Variants in DMXL2 observed in about 807,000 individuals in gnomAD.
DMXL2 encodes dmX-like protein 2.
Under a neutral mutation model 331.1 loss-of-function variants are expected in DMXL2, and 103 were observed. The observed-to-expected ratio is 0.31, with a 90% confidence interval of 0.27 to 0.37. The LOEUF (loss-of-function observed/expected upper bound fraction) is 0.37. Ranked by LOEUF, DMXL2 falls within the 10% of genes least tolerant of loss-of-function variation. The pLI is 1.00. For missense variants in DMXL2, 3,171 were observed against 3,642.9 expected, an observed-to-expected ratio of 0.87 and a Z score of 3.33; for synonymous variants, 1,281 against 1,252.1, an observed-to-expected ratio of 1.02 and a Z score of -0.49.
intron 29 of DMXL2, 28 bp from the exon 30 acceptor site, chr15:51,466,339 TA>T (rs752660723): frequency 3.8e-6 from 4 of 1,057,504 alleles, no homozygotes; most frequent in Non-Finnish European, 5.1e-6. Flanking sequence ...ATTATTTTTT[TA>T]AAGATTATAA....
At chr15:51,621,933 C>T (rs772270836) in intron 1 of DMXL2, among the ~76,000 whole-genome samples, 1 of 152,174 alleles carries the variant, frequency 6.6e-6, no homozygotes, top group Non-Finnish European at 1.5e-5. Context: ...TCAGGAGATA[C>T]AGAGTCAGGC....
At chr15:51,473,729 T>C (rs1244419485) in intron 28 of DMXL2, among the ~76,000 whole-genome samples, 2 of 152,154 alleles carry the variant, frequency 1.3e-5, no homozygotes, top group African/African-American at 2.4e-5. Flanking sequence ...CACCATATCA[T>C]ACCATTTTCA....
intron 23 of DMXL2, among the ~76,000 whole-genome samples, chr15:51,484,710 C>A (rs2042260410): frequency 6.6e-6 from 1 of 151,990 alleles, no homozygotes; most frequent in Non-Finnish European, 1.5e-5. Context: ...TACTAATTCT[C>A]CAGTAACAGA....
chr15:51,596,912 G>C (rs1227758372), intron 1 of DMXL2, among the ~76,000 whole-genome samples: 1 of 152,104 alleles, frequency 6.6e-6, no homozygotes, highest in Non-Finnish European at 1.5e-5. Context: ...CACACACCGG[G>C]GCCTGTTGTG....
chr15:51,520,134 GCA>G (rs2047273537), intron 13 of DMXL2, among the ~76,000 whole-genome samples: 1 of 152,136 alleles, frequency 6.6e-6, no homozygotes, highest in African/African-American at 2.4e-5. Flanking sequence ...AGTTTACTAT[GCA>G]CATTCTTCTA....
chr15:51,594,843 G>A (rs571855918), intron 1 of DMXL2, among the ~76,000 whole-genome samples: 1 of 152,266 alleles, frequency 6.6e-6, no homozygotes, highest in African/African-American at 2.4e-5. Context: ...ACGCAGAAAA[G>A]GCCTTTGACA....
At chr15:51,533,421 G>A (rs918051371) in intron 13 of DMXL2, among the ~76,000 whole-genome samples, 1 of 152,160 alleles carries the variant, frequency 6.6e-6, no homozygotes, top group African/African-American at 2.4e-5. Context: ...ACAAAACACT[G>A]AGTATAATGG....
intron 20 of DMXL2, among the ~76,000 whole-genome samples, chr15:51,489,080 A>G (rs1317853721): frequency 6.6e-6 from 1 of 152,244 alleles, no homozygotes; most frequent in Non-Finnish European, 1.5e-5. Flanking sequence ...CATAGAAAGC[A>G]ATAAAGAAGG....
intron 20 of DMXL2, among the ~76,000 whole-genome samples, chr15:51,490,879 G>A (rs574546876): frequency 1.2e-4 from 18 of 152,284 alleles, no homozygotes; most frequent in South Asian, 4.1e-4. Flanking sequence ...TGCAAAGAAC[G>A]TTTGCTACTT....
chr15:51,621,548 T>C (rs2054625655), intron 1 of DMXL2, among the ~76,000 whole-genome samples: 1 of 152,250 alleles, frequency 6.6e-6, no homozygotes, highest in South Asian at 2.1e-4. Flanking sequence ...ACTCAATTTA[T>C]GGGAGTCTAT....
chr15:51,559,909 C>G (rs1374929495), intron 6 of DMXL2, among the ~76,000 whole-genome samples: 1 of 152,156 alleles, frequency 6.6e-6, no homozygotes, highest in Non-Finnish European at 1.5e-5. Context: ...ATTAAAGATA[C>G]ATATAACATA....
intron 1 of DMXL2, among the ~76,000 whole-genome samples, chr15:51,607,687 A>G (rs8042289): frequency 0.48 from 72,701 of 151,934 alleles, 17,770 homozygotes; most frequent in Non-Finnish European, 0.52. Context: ...AAACACAGCA[A>G]AACTTCAGAA....
intron 16 of DMXL2, among the ~76,000 whole-genome samples, chr15:51,505,338 C>T (rs1433490965): frequency 6.6e-6 from 1 of 152,228 alleles, no homozygotes; most frequent in Non-Finnish European, 1.5e-5. Context: ...GGTAGGCAAG[C>T]AACTCAACTC....
intron 39 of DMXL2, 62 bp from the exon 40 acceptor site, chr15:51,455,290 T>C: frequency 1.5e-6 from 2 of 1,376,290 alleles, no homozygotes; most frequent in Non-Finnish European, 2.1e-6. Flanking sequence ...GGTAAAAACA[T>C]GGAAGGAAGA....
In DMXL2 at chr15:51,458,377, T is replaced by C. The variant is rs1334782350; in HGVS notation, c.8198+129A>G. On this transcript the variant is annotated intron_variant, in intron 36 of 43. Transcript: ENST00000560891. ...AGACTTTCACTGGCAGCTAAACCAA[T>C]TATATTTGTCACCTACCCAAATGAA... 2.1e-5 allele frequency: 21 copies of C among 977,998 alleles called. No homozygotes were observed. In the Admixed American group the frequency reaches 4.7e-4, roughly 22 times the overall value. The allele number at this position is 977,998 out of a possible 1,614,324, so 60.6% of individuals were successfully genotyped here.
intron 23 of DMXL2, among the ~76,000 whole-genome samples, chr15:51,485,034 C>CAA (rs35332731): frequency 0.032 from 3,162 of 99,716 alleles, 69 homozygotes; most frequent in Non-Finnish European, 0.04. Flanking sequence ...TCAGGCAAAC[C>CAA]AAAAAAAAAA....
chr15:51,570,978 G>T (rs540841989), intron 2 of DMXL2, among the ~76,000 whole-genome samples: 52 of 152,204 alleles, frequency 3.4e-4, no homozygotes, highest in Non-Finnish European at 6.0e-4. Context: ...CCAATTAAAA[G>T]ACACAGACTG....
chr15:51,519,633 C>CGT (rs1567060228), intron 13 of DMXL2, among the ~76,000 whole-genome samples: 4 of 118,326 alleles, frequency 3.4e-5, no homozygotes, highest in African/African-American at 1.3e-4. Flanking sequence ...GACAAAGTCT[C>CGT]TTGTTTTTTT....
chr15:51,531,064 G>C (rs2047974457), intron 13 of DMXL2, among the ~76,000 whole-genome samples: 1 of 152,046 alleles, frequency 6.6e-6, no homozygotes. Flanking sequence ...AAAAGACCCA[G>C]AATAGCCAAA....
Sources: gnomAD v4.1 joint callset for allele counts (sites outside exome capture counted in the v4.1 genomes callset) on GRCh38, gnomAD v4.1.1 for gene constraint, MANE v1.5 for transcripts, NCBI Gene and HGNC (gene_info 2026-07-23, HGNC 2026-07-21) for gene names.